The following THSD7B variants were observed in gnomAD, a reference collection of about 807,000 sequenced individuals.
THSD7B encodes thrombospondin type-1 domain-containing protein 7B.
In THSD7B, 138 loss-of-function variants were observed where a neutral mutation model predicts 213.6. The ratio of observed to expected loss-of-function variants is 0.65; its 90% CI spans 0.56 to 0.74. THSD7B has a LOEUF of 0.74. THSD7B is among the 30% of genes least tolerant of loss of function. The probability of loss-of-function intolerance (pLI) is 0.00; values close to 1 mark genes in which losing one functional copy is unlikely to be tolerated. For missense variants in THSD7B, 1,931 were observed against 1,991.5 expected (o/e 0.97, Z 0.58); for synonymous variants, 742 against 687.0 (o/e 1.08, Z -1.25).
intron 12 of THSD7B, among the ~76,000 whole-genome samples, chr2:137,291,980 C>T (rs1038736495): frequency 3.3e-5 from 5 of 152,060 alleles, no homozygotes; most frequent in Non-Finnish European, 5.9e-5. Flanking sequence ...ACATTTGCAA[C>T]ATCTGAAGAC....
At chr2:137,565,295 G>T (rs1681212856) in intron 16 of THSD7B, among the ~76,000 whole-genome samples, 1 of 152,160 alleles carries the variant, frequency 6.6e-6, no homozygotes, top group Non-Finnish European at 1.5e-5. Flanking sequence ...ATAAAGAAAA[G>T]AAATTTATTA....
intron 10 of THSD7B, among the ~76,000 whole-genome samples, chr2:137,265,379 G>C (rs1682562733): frequency 6.6e-6 from 1 of 152,204 alleles, no homozygotes; most frequent in Non-Finnish European, 1.5e-5. Context: ...CTGTAAACTA[G>C]TTCAACCACT....
intron 15 of THSD7B, among the ~76,000 whole-genome samples, chr2:137,483,855 G>T (rs1376313736): frequency 6.6e-6 from 1 of 152,072 alleles, no homozygotes; most frequent in Non-Finnish European, 1.5e-5. Context: ...TTTACAGTCC[G>T]TGTTCATGGA....
intron 15 of THSD7B, among the ~76,000 whole-genome samples, chr2:137,456,543 C>A (rs757098948): frequency 6.6e-6 from 1 of 152,230 alleles, no homozygotes; most frequent in Non-Finnish European, 1.5e-5. Flanking sequence ...TCATTCCTGG[C>A]AGACTGCTGC....
Position 137,257,173 on chromosome 2 carries a change from T to C in THSD7B, c.2266+14601T>C, listed in dbSNP as rs114981418. Among the ~76,000 whole-genome samples the C allele has an allele frequency of 5.9e-3, 906 of 152,294 alleles. 9 individuals carry two copies. Among genetic ancestry groups the C allele is most frequent in the African/African-American group, 0.02 (822 of 41,546 alleles). Reference sequence around the variant, plus strand: ...CTGCCACATAGGGGATTCACTTTTGTCATGAGTTTTGGAGGGGGCAAATAT... The same window carrying C: ...CTGCCACATAGGGGATTCACTTTTGCCATGAGTTTTGGAGGGGGCAAATAT... On this transcript the variant is annotated intron_variant, in intron 10 of 27. Coordinates refer to ENST00000409968, the MANE Select transcript of THSD7B (RefSeq NM_001316349.2).
intron 12 of THSD7B, among the ~76,000 whole-genome samples, chr2:137,348,000 G>A (rs1187475752): frequency 6.6e-6 from 1 of 151,210 alleles, no homozygotes; most frequent in Non-Finnish European, 1.5e-5. Context: ...CATTACTAGA[G>A]GAAATGTAGA....
intron 12 of THSD7B, among the ~76,000 whole-genome samples, chr2:137,387,597 C>T (rs76232792): frequency 1.3e-5 from 2 of 152,042 alleles, no homozygotes; most frequent in African/African-American, 4.8e-5. Flanking sequence ...CTTCCCCATC[C>T]TAATGGAAAG....
At chr2:136,780,641 A>G (rs1259070806) in intron 1 of THSD7B, among the ~76,000 whole-genome samples, 2 of 152,152 alleles carry the variant, frequency 1.3e-5, no homozygotes, top group Non-Finnish European at 2.9e-5. Context: ...TCCCTAAATT[A>G]TTCTATAGAG....
chr2:137,046,810 G>T (rs1686979996), intron 2 of THSD7B, among the ~76,000 whole-genome samples: 1 of 152,028 alleles, frequency 6.6e-6, no homozygotes. Context: ...GGCTTATTGG[G>T]GGAACCGAAA....
chr2:136,940,819 G>A (rs1421997966), intron 2 of THSD7B, among the ~76,000 whole-genome samples: 2 of 146,176 alleles, frequency 1.4e-5, no homozygotes, highest in Non-Finnish European at 3.0e-5. Flanking sequence ...TTTTTTTGTA[G>A]GTGTTCTTTA....
intron 14 of THSD7B, among the ~76,000 whole-genome samples, chr2:137,428,470 C>G (rs763741835): frequency 6.6e-6 from 1 of 152,140 alleles, no homozygotes; most frequent in African/African-American, 2.4e-5. Flanking sequence ...AAACACACAT[C>G]CACATAAAAA....
intron 15 of THSD7B, among the ~76,000 whole-genome samples, chr2:137,514,170 G>C (rs1346618469): frequency 6.6e-6 from 1 of 152,152 alleles, no homozygotes; most frequent in African/African-American, 2.4e-5. Flanking sequence ...GTGTCAACTT[G>C]ATTGGATTGA....
chr2:137,236,475 T>A (rs1218572796), intron 9 of THSD7B, among the ~76,000 whole-genome samples: 1 of 152,140 alleles, frequency 6.6e-6, no homozygotes, highest in Admixed American at 6.5e-5. Context: ...CTTCCTGAAG[T>A]TGTGTTCGGT....
At chr2:137,038,115 T>C (rs1442240782) in intron 2 of THSD7B, among the ~76,000 whole-genome samples, 1 of 152,182 alleles carries the variant, frequency 6.6e-6, no homozygotes, top group Non-Finnish European at 1.5e-5. Flanking sequence ...TGGGCCCAAA[T>C]TGGGCCTATG....
rs370447853 is a variant in THSD7B, at chr2:136,847,682, G to T, written c.-35-34462G>T. Among the ~76,000 whole-genome samples the T allele has an allele frequency of 5.9e-5, 9 of 152,168 alleles. No homozygotes were observed. The East Asian group carries it at 1.4e-3, about 23-fold the overall frequency. ...ACACAGAATCCCTTTGCTTGACAGG[G>T]TCTTTCTGTCAGCGCCCACCAAGGC... On this transcript the variant is annotated intron_variant, in intron 1 of 27. Coordinates refer to ENST00000409968, the MANE Select transcript of THSD7B (RefSeq NM_001316349.2).
intron 3 of THSD7B, among the ~76,000 whole-genome samples, chr2:137,082,721 C>G (rs1662348499): frequency 6.6e-6 from 1 of 152,018 alleles, no homozygotes; most frequent in South Asian, 2.1e-4. Flanking sequence ...ATATCTCTAA[C>G]CGGTTGTACA....
At chr2:137,407,272 AT>A (rs981031564) in intron 13 of THSD7B, among the ~76,000 whole-genome samples, 1 of 152,052 alleles carries the variant, frequency 6.6e-6, no homozygotes, top group South Asian at 2.1e-4. Flanking sequence ...ATAGCTGTAC[AT>A]TTTTTTCTGC....
chr2:137,173,166 A>T (rs1680292216), intron 7 of THSD7B, among the ~76,000 whole-genome samples: 1 of 152,216 alleles, frequency 6.6e-6, no homozygotes, highest in South Asian at 2.1e-4. Context: ...CCATTCCAAA[A>T]AGCCATAAAC....
At chr2:136,986,922 T>C (rs1685683520) in intron 2 of THSD7B, among the ~76,000 whole-genome samples, 2 of 152,218 alleles carry the variant, frequency 1.3e-5, no homozygotes, top group Admixed American at 6.5e-5. Flanking sequence ...ATTTGTCTAG[T>C]GAGTTTCGGG....
Sources: gnomAD v4.1 joint callset for allele counts (sites outside exome capture counted in the v4.1 genomes callset) on GRCh38, gnomAD v4.1.1 for gene constraint, MANE v1.5 for transcripts, NCBI Gene and HGNC (gene_info 2026-07-23, HGNC 2026-07-21) for gene names.